ABCA4: variants seen among roughly 807,000 people sequenced by gnomAD.
ABCA4 encodes the protein retinal-specific phospholipid-transporting ATPase ABCA4.
In ABCA4, 196 loss-of-function variants were observed where a neutral mutation model predicts 263.7. The ratio of observed to expected loss-of-function variants is 0.74; its 90% CI spans 0.66 to 0.84. ABCA4 has a LOEUF of 0.84. Among genes scored for constraint, ABCA4 ranks in the 40% least tolerant of loss-of-function variants. The pLI, the probability that ABCA4 is intolerant of heterozygous loss-of-function variation, is 0.00. For synonymous variants in ABCA4, 1,133 were observed against 1,094.2 expected, an observed-to-expected ratio of 1.04 and a Z score of -0.70; for missense variants, 2,792 against 2,855.1, an observed-to-expected ratio of 0.98 and a Z score of 0.50.
chr1:94,101,081 G>T (rs529051556), intron 5 of ABCA4, among the ~76,000 whole-genome samples: 1 of 152,368 alleles, frequency 6.6e-6, no homozygotes, highest in South Asian at 2.1e-4. Context: ...TGAAATAAAG[G>T]CACAACCTGG....
chr1:94,099,838 A>G (rs539212406), intron 5 of ABCA4, among the ~76,000 whole-genome samples: 4 of 152,342 alleles, frequency 2.6e-5, no homozygotes, highest in Admixed American at 6.5e-5. Context: ...CAGAGTGCAC[A>G]TTCTGCAGCT....
At chr1:94,007,248 T>A (rs1420392970) in intron 43 of ABCA4, among the ~76,000 whole-genome samples, 1 of 152,074 alleles carries the variant, frequency 6.6e-6, no homozygotes, top group Non-Finnish European at 1.5e-5. Context: ...CTCAGTAAAC[T>A]CCCTGAAACG....
Position 93,993,255 on chromosome 1 carries a change from A to G in ABCA4, c.6817-13T>C, listed in dbSNP as rs1658918790. On this transcript the variant is annotated splice_polypyrimidine_tract_variant and intron_variant, in intron 49 of 49. Transcript: ENST00000370225. The stretch of plus-strand genomic sequence containing the variant: ...TGAAAGATCAGTCCTGTGGAAGGAG[A>G]TCACATGGACTCGCGTCATCTTGGT... 1 of 1,613,794 alleles carries G rather than the reference A, an allele frequency of 6.2e-7. No homozygotes were observed. Among genetic ancestry groups the G allele is most frequent in the Non-Finnish European group, 8.5e-7 (1 of 1,179,824 alleles).
intron 17 of ABCA4, among the ~76,000 whole-genome samples, chr1:94,050,910 G>C (rs1660824548): frequency 6.6e-6 from 1 of 152,228 alleles, no homozygotes; most frequent in Non-Finnish European, 1.5e-5. Context: ...CAAACAGATG[G>C]GAGAGTACTT....
At position 94,021,701 on chromosome 1, in the gene ABCA4, C is replaced by G. The variant is rs1659902747; in HGVS notation, c.4787G>C (p.Arg1596Thr). ...ATCAGGTATTTCTTTAGAGGCCTCT[C>G]TAGTGATAGGGCCCTAAAAACCATG... Reference protein sequence around the residue: ...IMNVSGGPITREASKEIPDFL... With the variant: ...IMNVSGGPITTEASKEIPDFL... Residue 1596 changes from arginine to threonine, a missense_variant, in exon 34 of 50, where the codon AGA becomes ACA. By Grantham distance (71) the Arg-to-Thr change is moderately conservative. Coordinates refer to ENST00000370225, the MANE Select transcript of ABCA4 (RefSeq NM_000350.3). 1 of 1,613,406 alleles carries G rather than the reference C, an allele frequency of 6.2e-7. No individual in the cohort carries two copies. The highest frequency in any genetic ancestry group is 2.2e-5 in the East Asian group (1 of 44,836).
At position 94,037,321 on chromosome 1, in the gene ABCA4, G is replaced by A. The variant is rs142882518; in HGVS notation, c.3637C>T (p.Leu1213Phe). 2.7e-5 allele frequency: 43 copies of A among 1,614,052 alleles called. No homozygotes were observed. The Middle Eastern group carries it at 1.3e-3, about 49-fold the overall frequency. ...AGCTTTGCCTCTGGAACATGGTGGA[G>A]AACTACATCCATCAGCTCATTTACA... Reference protein sequence around the residue: ...GDVNELMDVVLHHVPEAKLVE... With the variant: ...GDVNELMDVVFHHVPEAKLVE... Residue 1213 changes from leucine to phenylalanine, a missense_variant, in exon 25 of 50, where the codon CTC becomes TTC. Coordinates refer to ENST00000370225, the MANE Select transcript of ABCA4 (RefSeq NM_000350.3).
At chr1:94,077,944 T>A in intron 10 of ABCA4, 57 bp from the exon 11 acceptor site, 8 of 1,535,842 alleles carry the variant, frequency 5.2e-6, no homozygotes, top group Non-Finnish European at 7.2e-6. Flanking sequence ...GGATCTTTGG[T>A]CTTGTTCTTC....
chr1:94,105,961 C>T (rs1022413910), intron 4 of ABCA4, among the ~76,000 whole-genome samples: 6 of 152,202 alleles, frequency 3.9e-5, no homozygotes, highest in African/African-American at 9.7e-5. Flanking sequence ...CTGAGGAGTC[C>T]GTGCTCACAG....
At position 94,008,796 on chromosome 1, in the gene ABCA4, A is replaced by G. The variant is rs1309668418; in HGVS notation, c.5790T>C (p.Thr1930=). 3 of 1,613,780 alleles carry G rather than the reference A, an allele frequency of 1.9e-6. No individual in the cohort carries two copies. The highest frequency in any genetic ancestry group is 1.7e-5 in the Admixed American group (1 of 59,970). The change falls in exon 41 of 50, where the codon ACT becomes ACC. Residue 1930 remains threonine, a synonymous_variant. Coordinates refer to ENST00000370225, the MANE Select transcript of ABCA4 (RefSeq NM_000350.3). Reference sequence around the variant, plus strand: ...TTAAGATGTCAGTTTTATTTCCACCAGTAATAATTCTTTGTCTTTCTTCAG... The same window carrying G: ...TTAAGATGTCAGTTTTATTTCCACCGGTAATAATTCTTTGTCTTTCTTCAG... ...DVAEERQRII[T]GGNKTDILRL...
At chr1:94,106,810 C>T (rs77597214) in intron 4 of ABCA4, among the ~76,000 whole-genome samples, 6 of 152,142 alleles carry the variant, frequency 3.9e-5, no homozygotes, top group African/African-American at 1.2e-4. Flanking sequence ...AGATTCTCCT[C>T]GGAGAAGTTT....
intron 6 of ABCA4, among the ~76,000 whole-genome samples, chr1:94,084,700 C>T (rs1341008462): frequency 6.6e-6 from 1 of 152,312 alleles, no homozygotes; most frequent in East Asian, 1.9e-4. Context: ...AACTAAGCTG[C>T]TATTGACACC....
In ABCA4 at chr1:94,080,481, T is replaced by A. The variant is rs1208590733; in HGVS notation, c.1096A>T (p.Thr366Ser). ...AAGCAGGACTCAGAAAACTTACTTG[T>A]TCTTCTGTCATAAGAATAGATAGGA... The part of the protein sequence containing the change: ...KDPIYSYDRR[T>S]TSFCNALIQS... Residue 366 changes from threonine to serine, a missense_variant, in exon 8 of 50, where the codon ACA becomes TCA. Coordinates refer to ENST00000370225, the MANE Select transcript of ABCA4 (RefSeq NM_000350.3). 2 of 1,614,082 alleles carry A rather than the reference T, an allele frequency of 1.2e-6. No individual in the cohort carries two copies. Among genetic ancestry groups the A allele is most frequent in the Admixed American group, 3.3e-5 (2 of 60,004 alleles).
chr1:94,064,394 T>A (rs1233081267), intron 11 of ABCA4, among the ~76,000 whole-genome samples: 2 of 152,152 alleles, frequency 1.3e-5, no homozygotes, highest in East Asian at 3.9e-4. Context: ...CCTGGAGGGA[T>A]CAGGGAAGGC....
chr1:94,016,562 C>T (rs1452427234), intron 36 of ABCA4, among the ~76,000 whole-genome samples: 1 of 151,946 alleles, frequency 6.6e-6, no homozygotes, highest in Non-Finnish European at 1.5e-5. Context: ...GTGTATAGGT[C>T]CGGTAGATAA....
chr1:94,112,709 C>T (rs1015948475), intron 2 of ABCA4, among the ~76,000 whole-genome samples: 2 of 152,208 alleles, frequency 1.3e-5, no homozygotes, highest in East Asian at 1.9e-4. Context: ...GCAGGAGGAT[C>T]ACTTGAGCCC....
chr1:94,018,361 A>G (rs1013636120), intron 36 of ABCA4, among the ~76,000 whole-genome samples: 7 of 152,238 alleles, frequency 4.6e-5, no homozygotes, highest in Admixed American at 3.3e-4. Flanking sequence ...CACAGGGCCA[A>G]TGTGGTACCT....
At chr1:94,061,474 G>A (rs1338007677) in intron 13 of ABCA4, 1 of 153,542 alleles carries the variant, frequency 6.5e-6, no homozygotes, top group African/African-American at 2.4e-5. Flanking sequence ...AAAGCCCTTG[G>A]GATTATTATC....
rs1184956177 is a variant in ABCA4, at chr1:94,031,861, G to GT, written c.4044dup (p.Gln1349ThrfsTer73). 6.2e-7 allele frequency: 1 copy of GT among 1,614,086 alleles called. No homozygotes were observed. Among genetic ancestry groups the GT allele is most frequent in the African/African-American group, 1.3e-5 (1 of 74,942 alleles). On this transcript the variant is annotated frameshift_variant, in exon 27 of 50. Coordinates refer to ENST00000370225, the MANE Select transcript of ABCA4 (RefSeq NM_000350.3). LOFTEE classifies it high-confidence loss of function. ...GCCTGCACATGCTGGAGGACCAGCT[G>GT]TGTCCCCGTGTTGAGCTGCGGGCCT...
chr1:94,039,124 G>T (rs1315558202), intron 24 of ABCA4, among the ~76,000 whole-genome samples: 1 of 152,170 alleles, frequency 6.6e-6, no homozygotes, highest in African/African-American at 2.4e-5. Flanking sequence ...CCCACAGCAA[G>T]GCAGGCTAGG....
Sources: gnomAD v4.1 joint callset for allele counts (sites outside exome capture counted in the v4.1 genomes callset) on GRCh38, gnomAD v4.1.1 for gene constraint, MANE v1.5 for transcripts, NCBI Gene and HGNC (gene_info 2026-07-23, HGNC 2026-07-21) for gene names.